The following GABRA5 variants were observed in gnomAD, a reference collection of about 807,000 sequenced individuals.
The protein encoded by GABRA5 is gamma-aminobutyric acid receptor subunit alpha-5.
GABRA5 carries 18 observed loss-of-function variants against 47.3 expected under a neutral mutation model. That is an observed-to-expected ratio of 0.38 (90% CI 0.26 to 0.56). The LOEUF (loss-of-function observed/expected upper bound fraction) is 0.56. Among genes scored for constraint, GABRA5 ranks in the 20% least tolerant of loss-of-function variants. The probability of loss-of-function intolerance (pLI) is 0.71; values close to 1 mark genes in which losing one functional copy is unlikely to be tolerated. For synonymous variants in GABRA5, 237 were observed against 229.3 expected, an observed-to-expected ratio of 1.03 and a Z score of -0.30; for missense variants, 365 against 599.3, an observed-to-expected ratio of 0.61 and a Z score of 4.08.
At chr15:26,935,906 T>C (rs552820351) in intron 7 of GABRA5, among the ~76,000 whole-genome samples, 2 of 152,302 alleles carry the variant, frequency 1.3e-5, no homozygotes, top group African/African-American at 4.8e-5. Flanking sequence ...GGTGAATGTT[T>C]GTGTTCTCAG....
intron 6 of GABRA5, among the ~76,000 whole-genome samples, chr15:26,910,324 G>A (rs920023844): frequency 5.3e-5 from 8 of 152,110 alleles, no homozygotes; most frequent in African/African-American, 1.9e-4. Context: ...ATGCCCGACC[G>A]GGTGTGGTGG....
At chr15:26,917,215 A>G (rs146536266) in intron 7 of GABRA5, among the ~76,000 whole-genome samples, 508 of 152,202 alleles carry the variant, frequency 3.3e-3, no homozygotes, top group Middle Eastern at 6.8e-3. Flanking sequence ...TGGGATTTTC[A>G]TATGTGGCAT....
At chr15:26,944,956 C>T (rs1282268734) in intron 10 of GABRA5, among the ~76,000 whole-genome samples, 3 of 152,122 alleles carry the variant, frequency 2.0e-5, no homozygotes, top group South Asian at 2.1e-4. Context: ...TGTTGGGTGT[C>T]GCCGACACTG....
chr15:26,889,702 G>A (rs1308094424), intron 6 of GABRA5, among the ~76,000 whole-genome samples: 1 of 152,152 alleles, frequency 6.6e-6, no homozygotes, highest in Non-Finnish European at 1.5e-5. Flanking sequence ...AGATGTATTG[G>A]CTGACTTGCA....
chr15:26,917,392 G>A (rs1234928791), intron 7 of GABRA5, among the ~76,000 whole-genome samples: 2 of 152,142 alleles, frequency 1.3e-5, no homozygotes, highest in East Asian at 3.9e-4. Context: ...ATTTTCATGT[G>A]TTGGACCTTC....
At position 26,923,992 on chromosome 15, in the gene GABRA5, C is replaced by T. The variant is rs144729873; in HGVS notation, c.580+9107C>T. Among the ~76,000 whole-genome samples, 136 of 151,874 alleles carry T rather than the reference C, an allele frequency of 9.0e-4. 1 individual carries two copies. The highest frequency in any genetic ancestry group is 4.8e-3 in the South Asian group (23 of 4,810). On this transcript the variant is annotated intron_variant, in intron 7 of 10. Transcript: ENST00000335625. ...TGTTACCAGCATGTTTGTACTTGGT[C>T]GTTGCATCATTTTACAATGGCTGCT...
chr15:26,910,811 T>C (rs1466691265), intron 6 of GABRA5, among the ~76,000 whole-genome samples: 3 of 152,074 alleles, frequency 2.0e-5, no homozygotes, highest in Non-Finnish European at 4.4e-5. Context: ...TTGGGCTTGA[T>C]TTTCTTTATC....
At position 26,886,482 on chromosome 15, in the gene GABRA5, C is replaced by T. The variant is rs372710280; in HGVS notation, c.497+2925C>T. On this transcript the variant is annotated intron_variant, in intron 6 of 10. Coordinates refer to ENST00000335625, the MANE Select transcript of GABRA5 (RefSeq NM_000810.4). ...ATAGCAGGCAACTTCACAGACACAG[C>T]GTCCTTCAGCCCTCAGACAGCCCTG... Among the ~76,000 whole-genome samples the T allele has an allele frequency of 2.6e-5, 4 of 152,298 alleles. No individual in the cohort carries two copies. The East Asian group carries it at 7.7e-4, about 29-fold the overall frequency.
In GABRA5 at chr15:26,948,378, C is replaced by T. The variant is rs555139460; in HGVS notation, c.*145C>T. On this transcript the variant is annotated 3_prime_UTR_variant, in exon 11 of 11. Coordinates refer to ENST00000335625, the MANE Select transcript of GABRA5 (RefSeq NM_000810.4). ...TTAATAATATGTACAAATAATATTG[C>T]CTTGATGTTTCTATATGTAACTTCA... 1 of 705,362 alleles carries T rather than the reference C, an allele frequency of 1.4e-6. No homozygotes were observed. Among genetic ancestry groups the T allele is most frequent in the East Asian group, 2.7e-5 (1 of 36,754 alleles). 43.7% of individuals were successfully genotyped at this position (705,362 alleles called of 1,614,324 possible). A position where few individuals can be genotyped will look rare whatever the true frequency, so the allele number is the denominator to read the frequency against.
intron 7 of GABRA5, among the ~76,000 whole-genome samples, chr15:26,935,727 C>T (rs138093898): frequency 6.6e-6 from 1 of 152,218 alleles, no homozygotes; most frequent in Admixed American, 6.5e-5. Flanking sequence ...GCCTCTCCAC[C>T]CTCAGACCTC....
intron 6 of GABRA5, among the ~76,000 whole-genome samples, chr15:26,886,620 T>C (rs1396988484): frequency 6.6e-6 from 1 of 152,148 alleles, no homozygotes; most frequent in African/African-American, 2.4e-5. Flanking sequence ...TTTGAGCTCA[T>C]TTCTGAGCAA....
rs184729073 is a variant in GABRA5 at position 26,915,009 on chromosome 15, G to A, written c.580+124G>A. 2.8e-4 allele frequency: 218 copies of A among 778,430 alleles called. 2 individuals carry two copies. The South Asian group carries it at 3.0e-3, about 11-fold the overall frequency. 48.2% of individuals were successfully genotyped at this position (778,430 alleles called of 1,614,324 possible). ...ATAGGATGCAGTCTGTTTAAGAAGC[G>A]TGGAGAGTGTATTGTTCTCCCCAGA... On this transcript the variant is annotated intron_variant, in intron 7 of 10. Transcript: ENST00000335625.
In GABRA5 at chr15:26,883,698, G is replaced by T; in HGVS notation, c.497+141G>T. ...GGCGCGTGTGTGCTGGGGGTTCCCCGTTGCCATCTGCCCACACCAGCGCTC... is the reference window on the plus strand; with the variant it reads ...GGCGCGTGTGTGCTGGGGGTTCCCCTTTGCCATCTGCCCACACCAGCGCTC... On this transcript the variant is annotated intron_variant, in intron 6 of 10. Coordinates refer to ENST00000335625, the MANE Select transcript of GABRA5 (RefSeq NM_000810.4). The surrounding 1 kb of genome is among the most constrained non-coding windows in gnomAD (Gnocchi z 4.8). The T allele has an allele frequency of 1.5e-6, 1 of 672,378 alleles. No individual in the cohort carries two copies. Among genetic ancestry groups the T allele is most frequent in the South Asian group, 2.0e-5 (1 of 49,486 alleles). 41.7% of individuals were successfully genotyped at this position (672,378 alleles called of 1,614,324 possible). A position where few individuals can be genotyped will look rare whatever the true frequency, so the allele number is the denominator to read the frequency against.
rs140729072 is a variant in GABRA5, at chr15:26,926,082, C to T, written c.581-11103C>T. Among the ~76,000 whole-genome samples the T allele has an allele frequency of 3.4e-3, 519 of 152,290 alleles. 4 individuals are homozygous for T. The highest frequency in any genetic ancestry group is 0.012 in the African/African-American group (499 of 41,546). Reference sequence around the variant, plus strand: ...ATAGTTCCAGGCTCTTCTTTAGGTTCTTCAAGCAAGGGAGATGGAGGGGTC... The same window carrying T: ...ATAGTTCCAGGCTCTTCTTTAGGTTTTTCAAGCAAGGGAGATGGAGGGGTC... On this transcript the variant is annotated intron_variant, in intron 7 of 10. Coordinates refer to ENST00000335625, the MANE Select transcript of GABRA5 (RefSeq NM_000810.4).
chr15:26,908,229 C>T (rs924745369), intron 6 of GABRA5, among the ~76,000 whole-genome samples: 1 of 152,058 alleles, frequency 6.6e-6, no homozygotes, highest in East Asian at 1.9e-4. Flanking sequence ...GGCCTGTAAT[C>T]CTTACAGCTG....
intron 6 of GABRA5, among the ~76,000 whole-genome samples, chr15:26,894,697 C>T (rs1173985865): frequency 1.3e-5 from 2 of 152,060 alleles, no homozygotes; most frequent in African/African-American, 4.8e-5. Context: ...TTATATGTAG[C>T]GCCTGGCGGT....
chr15:26,930,895 C>CTTTTTTTTTT (rs555799476), intron 7 of GABRA5, among the ~76,000 whole-genome samples: 12 of 115,034 alleles, frequency 1.0e-4, no homozygotes, highest in African/African-American at 1.7e-4. Context: ...TCTTTCTTTT[C>CTTTTTTTTTT]TTTTTTTTTT....
intron 6 of GABRA5, among the ~76,000 whole-genome samples, chr15:26,894,231 C>G (rs1893118858): frequency 6.6e-6 from 1 of 152,162 alleles, no homozygotes; most frequent in South Asian, 2.1e-4. Context: ...TGCGTATTCC[C>G]GCGAATCCAC....
At chr15:26,945,478 G>C (rs1171628872) in intron 10 of GABRA5, among the ~76,000 whole-genome samples, 1 of 152,218 alleles carries the variant, frequency 6.6e-6, no homozygotes, top group African/African-American at 2.4e-5. Context: ...GATTCAGAGA[G>C]GAAGAGATCG....
Sources: allele counts gnomAD v4.1 joint callset (sites outside exome capture counted in the v4.1 genomes callset), GRCh38; gene constraint gnomAD v4.1.1; non-coding constraint Gnocchi (gnomAD v3.1); transcripts MANE v1.5; gene names NCBI Gene and HGNC (gene_info 2026-07-23, HGNC 2026-07-21).